The following MTA3 variants were observed in gnomAD, a reference collection of about 807,000 sequenced individuals.
MTA3 encodes metastasis-associated protein MTA3.
In MTA3, 34 loss-of-function variants were observed where a neutral mutation model predicts 83.5. The ratio of observed to expected loss-of-function variants is 0.41; its 90% CI spans 0.31 to 0.54. MTA3 has a LOEUF of 0.54. Among genes scored for constraint, MTA3 ranks in the 20% least tolerant of loss-of-function variants. The pLI is 0.33. For synonymous variants in MTA3, 303 were observed against 252.7 expected (o/e 1.20, Z -1.89); for missense variants, 761 against 726.4 (o/e 1.05, Z -0.55).
chr2:42,663,791 T>C (rs1689958749), intron 8 of MTA3, among the ~76,000 whole-genome samples: 1 of 152,218 alleles, frequency 6.6e-6, no homozygotes, highest in Non-Finnish European at 1.5e-5. Context: ...CTGTAATACT[T>C]GCCTCTTATG....
intron 2 of MTA3, among the ~76,000 whole-genome samples, chr2:42,510,498 G>A (rs1674849112): frequency 6.6e-6 from 1 of 152,070 alleles, no homozygotes; most frequent in Admixed American, 6.6e-5. Context: ...GAGAAAATGT[G>A]AAAGCAGACC....
At chr2:42,695,310 T>C (rs865906501) in intron 9 of MTA3, among the ~76,000 whole-genome samples, 2 of 151,910 alleles carry the variant, frequency 1.3e-5, no homozygotes, top group Non-Finnish European at 2.9e-5. Flanking sequence ...ATCTTCCATG[T>C]GGATATTTGC....
chr2:42,713,997 C>A (rs1001402605), intron 14 of MTA3, among the ~76,000 whole-genome samples: 6 of 152,112 alleles, frequency 3.9e-5, no homozygotes, highest in Admixed American at 3.9e-4. Flanking sequence ...AGTTTTATTG[C>A]CCGTAGAAAA....
At chr2:42,683,861 T>C (rs1692150311) in intron 9 of MTA3, among the ~76,000 whole-genome samples, 1 of 152,162 alleles carries the variant, frequency 6.6e-6, no homozygotes, top group Non-Finnish European at 1.5e-5. Flanking sequence ...TGCAGCCCAG[T>C]TCCTAACCAG....
chr2:42,736,502 G>A (rs1284234897), intron 16 of MTA3, among the ~76,000 whole-genome samples: 1 of 152,108 alleles, frequency 6.6e-6, no homozygotes, highest in Non-Finnish European at 1.5e-5. Flanking sequence ...ATCCAGCCAG[G>A]CATCTTCCCT....
chr2:42,494,350 C>G (rs1674032110), upstream of MTA3, among the ~76,000 whole-genome samples: 1 of 152,214 alleles, frequency 6.6e-6, no homozygotes, highest in African/African-American at 2.4e-5. Context: ...AGCCCTGGTT[C>G]AAAGCCCAGT....
intron 2 of MTA3, among the ~76,000 whole-genome samples, chr2:42,549,713 A>G (rs1677028859): frequency 7.5e-6 from 1 of 132,478 alleles, no homozygotes; most frequent in Non-Finnish European, 1.5e-5. Flanking sequence ...TATATTATAT[A>G]TTTAAATTAT....
intron 3 of MTA3, among the ~76,000 whole-genome samples, chr2:42,593,727 C>T (rs944099453): frequency 2.1e-5 from 3 of 142,944 alleles, no homozygotes; most frequent in East Asian, 4.1e-4. Flanking sequence ...TTTACTGAGA[C>T]GGAGTTTTGC....
At chr2:42,724,362 G>C (rs946628960) in intron 16 of MTA3, among the ~76,000 whole-genome samples, 1 of 136,152 alleles carries the variant, frequency 7.3e-6, no homozygotes, top group African/African-American at 2.7e-5. Flanking sequence ...AAAGACTGTC[G>C]TTGTGGGCCA....
chr2:42,509,570 G>A (rs1240981425), intron 2 of MTA3, among the ~76,000 whole-genome samples: 1 of 152,022 alleles, frequency 6.6e-6, no homozygotes, highest in Non-Finnish European at 1.5e-5. Flanking sequence ...AGGTGTTTGA[G>A]ACCAGTATGG....
intron 8 of MTA3, among the ~76,000 whole-genome samples, chr2:42,679,875 A>G (rs1003703562): frequency 5.3e-5 from 8 of 151,048 alleles, no homozygotes; most frequent in African/African-American, 2.0e-4. Flanking sequence ...TCTTTTCTTT[A>G]AGACTCAAAA....
At chr2:42,752,389 C>T in intron 16 of MTA3, 1 of 403,856 alleles carries the variant, frequency 2.5e-6, no homozygotes, top group Non-Finnish European at 5.1e-6. Flanking sequence ...CCCTTCTCAG[C>T]AAACAACCCC....
intron 2 of MTA3, among the ~76,000 whole-genome samples, chr2:42,529,477 A>G (rs987216765): frequency 6.6e-6 from 1 of 152,222 alleles, no homozygotes; most frequent in African/African-American, 2.4e-5. Context: ...CTGAGAGCCA[A>G]GAGAGAAAGA....
intron 2 of MTA3, among the ~76,000 whole-genome samples, chr2:42,507,845 G>A (rs1452067876): frequency 6.6e-6 from 1 of 151,726 alleles, no homozygotes; most frequent in Non-Finnish European, 1.5e-5. Context: ...GTGGGATGAT[G>A]GCTTGAGCCC....
At chr2:42,711,468 ATTATT>A (rs1240545159) in intron 14 of MTA3, among the ~76,000 whole-genome samples, 1 of 152,158 alleles carries the variant, frequency 6.6e-6, no homozygotes, top group African/African-American at 2.4e-5. Flanking sequence ...GAGAGCATGT[ATTATT>A]TTGTTTTGTA....
At chr2:42,606,731 C>T (rs1378512886) in intron 3 of MTA3, among the ~76,000 whole-genome samples, 2 of 151,640 alleles carry the variant, frequency 1.3e-5, no homozygotes, top group Non-Finnish European at 2.9e-5. Context: ...AGGCAGGCGG[C>T]TGGGAGGTGT....
At chr2:42,614,349 A>C (rs1241472870) in intron 4 of MTA3, among the ~76,000 whole-genome samples, 1 of 152,212 alleles carries the variant, frequency 6.6e-6, no homozygotes, top group African/African-American at 2.4e-5. Flanking sequence ...TACCCGCCTC[A>C]GTCTCCCAAA....
In MTA3 at chr2:42,703,979, A is replaced by T. The variant is rs1022333637; in HGVS notation, c.1026-215A>T. The T allele has an allele frequency of 6.3e-5, 29 of 459,914 alleles. 1 individual carries two copies. The East Asian group carries it at 1.2e-3, about 19-fold the overall frequency. The allele number at this position is 459,914 out of a possible 1,614,324, so 28.5% of individuals were successfully genotyped here. On this transcript the variant is annotated intron_variant, in intron 11 of 16. Transcript: ENST00000405094. ...GGACAGTATTTACTTCGTGAATGTC[A>T]GGCATAAGCAATTCCTTTTTTCATA...
At position 42,755,317 on chromosome 2, in the gene MTA3, G is replaced by T; in HGVS notation, c.*1918G>T. 1.0e-6 allele frequency: 1 copy of T among 985,512 alleles called. No individual in the cohort carries two copies. Among genetic ancestry groups the T allele is most frequent in the South Asian group, 4.7e-5 (1 of 21,288 alleles). The allele number at this position is 985,512 out of a possible 1,614,324, so 61.0% of individuals were successfully genotyped here. ...ATTCTGGAAACAATTAGCTGCCCGTGACTCAGCTGCCAGCTTCATTTTCTC... is the reference window on the plus strand; with the variant it reads ...ATTCTGGAAACAATTAGCTGCCCGTTACTCAGCTGCCAGCTTCATTTTCTC... On this transcript the variant is annotated 3_prime_UTR_variant, in exon 17 of 17. Coordinates refer to ENST00000405094, the MANE Select transcript of MTA3 (RefSeq NM_001330442.2).
Sources: allele counts gnomAD v4.1 joint callset (sites outside exome capture counted in the v4.1 genomes callset), GRCh38; gene constraint gnomAD v4.1.1; transcripts MANE v1.5; gene names NCBI Gene and HGNC (gene_info 2026-07-23, HGNC 2026-07-21).